The following LPL variants were observed in gnomAD, a reference collection of about 807,000 sequenced individuals.
LPL encodes the protein lipoprotein lipase, also known as phospholipase A1.
In LPL, 43 loss-of-function variants were observed where a neutral mutation model predicts 52.2. The ratio of observed to expected loss-of-function variants is 0.82; its 90% CI spans 0.64 to 1.06. LPL has a LOEUF of 1.06. LPL is among the 50% of genes least tolerant of loss of function. The probability of loss-of-function intolerance (pLI) is 0.00; values close to 1 mark genes in which losing one functional copy is unlikely to be tolerated. For missense variants in LPL, 639 were observed against 585.3 expected (o/e 1.09, Z -0.95); for synonymous variants, 244 against 215.6 (o/e 1.13, Z -1.15).
At chr8:19,943,993 C>T (rs951619209) in intron 1 of LPL, among the ~76,000 whole-genome samples, 75 of 152,040 alleles carry the variant, frequency 4.9e-4, no homozygotes, top group African/African-American at 1.4e-3. Flanking sequence ...TCAAGACCAG[C>T]GTGGCCAGGA....
chr8:19,952,780 G>A (rs183836173), intron 3 of LPL, among the ~76,000 whole-genome samples: 1 of 152,236 alleles, frequency 6.6e-6, no homozygotes, highest in Admixed American at 6.5e-5. Context: ...TCCACTGAAT[G>A]TTTCCTGAGT....
In LPL at chr8:19,944,705, C is replaced by G. The variant is rs2069868766; in HGVS notation, c.89-3475C>G. 6.6e-6 allele frequency among the ~76,000 whole-genome samples: 1 copy of G among 152,202 alleles called. No individual in the cohort carries two copies. The highest frequency in any genetic ancestry group is 6.5e-5 in the Admixed American group (1 of 15,276). Reference sequence around the variant, plus strand: ...TCTCTACGTGCTTTAACTTCTCAGCCTAATTTCGTCTCTGTGAGTTATTAT... The same window carrying G: ...TCTCTACGTGCTTTAACTTCTCAGCGTAATTTCGTCTCTGTGAGTTATTAT... On this transcript the variant is annotated intron_variant, in intron 1 of 9. Transcript: ENST00000650287. The surrounding 1 kb of genome is among the most constrained non-coding windows in gnomAD (Gnocchi z 4.2).
chr8:19,958,507 C>A (rs913818589), intron 6 of LPL, among the ~76,000 whole-genome samples: 1 of 152,112 alleles, frequency 6.6e-6, no homozygotes, highest in Admixed American at 6.6e-5. Context: ...ACTTTAGGGG[C>A]TGGCTTTACA....
chr8:19,954,288 G>C lies in LPL; in HGVS notation c.710G>C (p.Gly237Ala), dbSNP rs571478179. The stretch of plus-strand genomic sequence containing the variant: ...CATGTTGACATTTACCCGAATGGAG[G>C]TACTTTTCAGCCAGGATGTAACATT... The part of the protein sequence containing the change: ...VGHVDIYPNG[G>A]TFQPGCNIGE... The change falls in exon 5 of 10, where the codon GGT becomes GCT. Residue 237 changes from glycine to alanine, a missense_variant. Transcript: ENST00000650287. 2 of 1,614,058 alleles carry C rather than the reference G, an allele frequency of 1.2e-6. No individual in the cohort carries two copies. Among genetic ancestry groups the C allele is most frequent in the East Asian group, 2.2e-5 (1 of 44,896 alleles).
intron 8 of LPL, 69 bp downstream of exon 8, chr8:19,961,152 T>G (rs1478933695): frequency 1.5e-6 from 2 of 1,375,294 alleles, no homozygotes; most frequent in African/African-American, 1.4e-5. Context: ...GGGCTGTATT[T>G]CAGGGGCCTT....
intron 6 of LPL, 75 bp downstream of exon 6, chr8:19,956,158 A>C: frequency 6.3e-7 from 1 of 1,591,080 alleles, no homozygotes; most frequent in Admixed American, 1.7e-5. Context: ...ACATGTACTG[A>C]TTCTGTCCAT....
intron 9 of LPL, among the ~76,000 whole-genome samples, chr8:19,964,406 T>C (rs1369933507): frequency 6.6e-6 from 1 of 152,256 alleles, no homozygotes; most frequent in Non-Finnish European, 1.5e-5. Flanking sequence ...CGTCCAGTCG[T>C]ATTTTTTATA....
intron 1 of LPL, 132 bp from the exon 2 acceptor site, chr8:19,948,048 T>C (rs1260132093): frequency 2.3e-6 from 2 of 885,622 alleles, no homozygotes; most frequent in East Asian, 2.5e-5. Flanking sequence ...GCAATCCACA[T>C]TCGTTTTCGA....
chr8:19,961,017 A>T lies in LPL; in HGVS notation c.1256A>T (p.Asp419Val). The change falls in exon 8 of 10, where the codon GAC (aspartate) becomes GTC (valine). Residue 419 changes from aspartate to valine, a missense_variant. Coordinates refer to ENST00000650287, the MANE Select transcript of LPL (RefSeq NM_000237.3). ...AGTGATTCATACTTTAGCTGGTCAG[A>T]CTGGTGGAGCAGTCCCGGCTTCGCC... is the stretch of plus-strand genomic sequence containing the variant. Reference protein sequence around the residue: ...WKSDSYFSWSDWWSSPGFAIQ... With the variant: ...WKSDSYFSWSVWWSSPGFAIQ... 6.2e-7 allele frequency: 1 copy of T among 1,614,170 alleles called. No individual in the cohort carries two copies. The highest frequency in any genetic ancestry group is 8.5e-7 in the Non-Finnish European group (1 of 1,180,028).
chr8:19,962,332 T>C (rs1240832523), intron 9 of LPL, 113 bp downstream of exon 9: 2 of 777,574 alleles, frequency 2.6e-6, no homozygotes, highest in Non-Finnish European at 4.6e-6. Flanking sequence ...ACTCATGTGA[T>C]CAAAGCATTC....
chr8:19,948,396 C>G, intron 2 of LPL, 56 bp downstream of exon 2: 1 of 1,599,814 alleles, frequency 6.3e-7, no homozygotes, highest in East Asian at 2.2e-5. Flanking sequence ...TCCTGACTGG[C>G]CTGCCCAATT....
At position 19,961,756 on chromosome 8, in the gene LPL, T is replaced by C. The variant is rs139385050; in HGVS notation, c.1323-359T>C. 3.7e-4 allele frequency among the ~76,000 whole-genome samples: 57 copies of C among 152,282 alleles called. No homozygotes were observed. The East Asian group carries it at 9.8e-3, about 26-fold the overall frequency. ...TGGAAATGTTATAAAGAATCTTTTT[T>C]ACACTAGCAATGTCTAGCTGAAGGC... On this transcript the variant is annotated intron_variant, in intron 8 of 9. Transcript: ENST00000650287.
At chr8:19,961,439 A>G (rs1055252311) in intron 8 of LPL, among the ~76,000 whole-genome samples, 1 of 152,096 alleles carries the variant, frequency 6.6e-6, no homozygotes, top group African/African-American at 2.4e-5. Context: ...CTACCTGGAT[A>G]ATCAAAGATT....
At chr8:19,958,604 G>T (rs559081477) in intron 6 of LPL, among the ~76,000 whole-genome samples, 2 of 152,270 alleles carry the variant, frequency 1.3e-5, no homozygotes, top group South Asian at 2.1e-4. Context: ...GTTATTGGGG[G>T]AACAGGTGGT....
chr8:19,957,663 C>A (rs1030872997), intron 6 of LPL, among the ~76,000 whole-genome samples: 1 of 152,178 alleles, frequency 6.6e-6, no homozygotes, highest in African/African-American at 2.4e-5. Context: ...AATTCAATGT[C>A]TCTTCATCTT....
At chr8:19,964,397 G>A (rs552531742) in intron 9 of LPL, among the ~76,000 whole-genome samples, 59 of 152,264 alleles carry the variant, frequency 3.9e-4, no homozygotes, top group African/African-American at 1.2e-3. Context: ...TGTAAAGCAC[G>A]TCCAGTCGTA....
intron 2 of LPL, among the ~76,000 whole-genome samples, chr8:19,951,132 T>A (rs1221736219): frequency 6.6e-6 from 1 of 152,188 alleles, no homozygotes; most frequent in African/African-American, 2.4e-5. Context: ...ATGCTTAGCA[T>A]GTAGCATGCA....
intron 1 of LPL, among the ~76,000 whole-genome samples, chr8:19,945,382 C>T (rs544395805): frequency 1.3e-5 from 2 of 151,936 alleles, no homozygotes; most frequent in Non-Finnish European, 2.9e-5. Flanking sequence ...GACTAAGTGC[C>T]GATAAGATTT....
chr8:19,957,925 C>G (rs1322765296), intron 6 of LPL, among the ~76,000 whole-genome samples: 1 of 151,192 alleles, frequency 6.6e-6, no homozygotes, highest in Non-Finnish European at 1.5e-5. Flanking sequence ...GACAGTAACA[C>G]AAATAAGAAA....
Sources: gnomAD v4.1 joint callset for allele counts (sites outside exome capture counted in the v4.1 genomes callset) on GRCh38, gnomAD v4.1.1 for gene constraint, Gnocchi (gnomAD v3.1) non-coding constraint, MANE v1.5 for transcripts, NCBI Gene and HGNC (gene_info 2026-07-23, HGNC 2026-07-21) for gene names.